Variants in CSMD1 observed in about 807,000 individuals in gnomAD.
CSMD1 encodes the protein CUB and sushi domain-containing protein 1.
CSMD1 carries 213 observed loss-of-function variants against 417.5 expected under a neutral mutation model. The observed-to-expected ratio is 0.51, with a 90% CI of 0.46 to 0.57. The LOEUF is 0.57. CSMD1 is among the 20% of genes least tolerant of loss of function. The pLI is 0.00. For missense variants in CSMD1, 6,923 were observed against 4,529.7 expected (o/e 1.53, Z -15.17); for synonymous variants, 2,862 against 1,736.8 (o/e 1.65, Z -16.11).
chr8:4,092,674 C>A (rs1245228608), intron 3 of CSMD1, among the ~76,000 whole-genome samples: 2 of 152,016 alleles, frequency 1.3e-5, no homozygotes, highest in South Asian at 2.1e-4. Flanking sequence ...TCAGTAGGTC[C>A]TTTTTCTTGA....
At chr8:4,407,325 T>C (rs1409247407) in intron 3 of CSMD1, among the ~76,000 whole-genome samples, 1 of 152,208 alleles carries the variant, frequency 6.6e-6, no homozygotes, top group Non-Finnish European at 1.5e-5. Context: ...AGGGATGAAA[T>C]GAAAACATAT....
intron 51 of CSMD1, among the ~76,000 whole-genome samples, chr8:3,023,059 T>C (rs17317488): frequency 0.055 from 8,433 of 152,302 alleles, 244 homozygotes; most frequent in Middle Eastern, 0.075. Context: ...CTGAGTGATG[T>C]CCAATGTCCA....
intron 7 of CSMD1, among the ~76,000 whole-genome samples, chr8:3,656,257 G>T (rs1030076503): frequency 6.6e-5 from 10 of 152,180 alleles, no homozygotes; most frequent in African/African-American, 2.4e-4. Context: ...GGAAGGAAAG[G>T]AGAAAGTCAA....
chr8:4,114,917 G>A (rs757211127), intron 3 of CSMD1, among the ~76,000 whole-genome samples: 2 of 152,134 alleles, frequency 1.3e-5, no homozygotes, highest in African/African-American at 2.4e-5. Flanking sequence ...TAGGAAAATA[G>A]TATGCTGAGA....
intron 1 of CSMD1, among the ~76,000 whole-genome samples, chr8:4,672,686 G>C (rs1165909471): frequency 1.3e-5 from 2 of 150,026 alleles, no homozygotes; most frequent in African/African-American, 2.4e-5. Flanking sequence ...AGGGGAGAAA[G>C]GAAGTAAGAC....
chr8:4,210,022 T>A (rs980555125), intron 3 of CSMD1, among the ~76,000 whole-genome samples: 1 of 152,128 alleles, frequency 6.6e-6, no homozygotes, highest in Admixed American at 6.5e-5. Context: ...TTTAGCTAGT[T>A]CTCTATTTGG....
intron 1 of CSMD1, among the ~76,000 whole-genome samples, chr8:4,987,157 C>T (rs914570619): frequency 7.9e-5 from 12 of 152,058 alleles, no homozygotes; most frequent in Non-Finnish European, 1.3e-4. Flanking sequence ...CTGGGATGGG[C>T]GTGGGTAGAA....
chr8:4,424,547 C>A (rs1038112680), intron 2 of CSMD1, among the ~76,000 whole-genome samples: 4 of 152,008 alleles, frequency 2.6e-5, no homozygotes, highest in Admixed American at 2.6e-4. Flanking sequence ...ATAATGACAA[C>A]ATCACATGCT....
intron 1 of CSMD1, among the ~76,000 whole-genome samples, chr8:4,964,720 A>G (rs568593170): frequency 6.6e-6 from 1 of 152,146 alleles, no homozygotes; most frequent in Admixed American, 6.6e-5. Flanking sequence ...TCACTAAGCC[A>G]AACTGAAAAA....
intron 1 of CSMD1, among the ~76,000 whole-genome samples, chr8:4,831,480 T>G (rs1800143962): frequency 6.6e-6 from 1 of 152,224 alleles, no homozygotes; most frequent in Non-Finnish European, 1.5e-5. Context: ...ACTATCATCT[T>G]AGAGTTTTGT....
At chr8:4,363,724 C>G (rs1332522481) in intron 3 of CSMD1, among the ~76,000 whole-genome samples, 1 of 152,148 alleles carries the variant, frequency 6.6e-6, no homozygotes, top group Non-Finnish European at 1.5e-5. Flanking sequence ...TCTAGTTCCA[C>G]CCATGTTGTT....
At chr8:4,818,866 G>T (rs562449532) in intron 1 of CSMD1, among the ~76,000 whole-genome samples, 3 of 152,160 alleles carry the variant, frequency 2.0e-5, no homozygotes, top group Admixed American at 1.3e-4. Flanking sequence ...GATAAGAAAA[G>T]TTAAACTGTT....
At chr8:4,803,580 G>A (rs1015724989) in intron 1 of CSMD1, among the ~76,000 whole-genome samples, 54 of 152,210 alleles carry the variant, frequency 3.5e-4, no homozygotes, top group African/African-American at 1.3e-3. Context: ...TCGAAAGCCA[G>A]GATTCTACTA....
chr8:3,489,614 C>G (rs534316048), intron 11 of CSMD1, among the ~76,000 whole-genome samples: 1 of 152,274 alleles, frequency 6.6e-6, no homozygotes, highest in African/African-American at 2.4e-5. Flanking sequence ...ATAAATATGA[C>G]CCAAGTTCCT....
intron 23 of CSMD1, among the ~76,000 whole-genome samples, chr8:3,312,611 G>C (rs1029909954): frequency 2.0e-5 from 3 of 152,138 alleles, no homozygotes; most frequent in South Asian, 2.1e-4. Context: ...TTTACAATGG[G>C]AAGTAGCATT....
chr8:2,973,717 G>A (rs992542016), intron 56 of CSMD1, among the ~76,000 whole-genome samples: 1 of 151,590 alleles, frequency 6.6e-6, no homozygotes, highest in African/African-American at 2.4e-5. Flanking sequence ...ATTGTGTCCA[G>A]AGTTGCTGGT....
chr8:3,339,779 G>A (rs1245064619), intron 23 of CSMD1, among the ~76,000 whole-genome samples: 1 of 152,116 alleles, frequency 6.6e-6, no homozygotes, highest in Non-Finnish European at 1.5e-5. Flanking sequence ...TGTGTAAGGT[G>A]CGAAGAAGTA....
chr8:4,498,997 A>G (rs986646989), intron 2 of CSMD1, among the ~76,000 whole-genome samples: 4 of 152,206 alleles, frequency 2.6e-5, no homozygotes, highest in Non-Finnish European at 5.9e-5. Flanking sequence ...AAAGTAATTG[A>G]AACATTTTCT....
Position 3,789,786 on chromosome 8 carries a change from A to T in CSMD1, c.819-35744T>A, listed in dbSNP as rs530057484. ...CACTCTGTCTCCGAGGCTGGAGTGCAGCGGTGCTATCTTGGCTCACTGCAA... is the reference window on the plus strand; with the variant it reads ...CACTCTGTCTCCGAGGCTGGAGTGCTGCGGTGCTATCTTGGCTCACTGCAA... On this transcript the variant is annotated intron_variant, in intron 5 of 69. Coordinates refer to ENST00000635120, the MANE Select transcript of CSMD1 (RefSeq NM_033225.6). Among the ~76,000 whole-genome samples, 20 of 140,672 alleles carry T rather than the reference A, an allele frequency of 1.4e-4. 1 individual carries two copies. The South Asian group carries it at 3.5e-3, about 25-fold the overall frequency. The allele number at this position is 140,672 out of a possible 152,430, so 92.3% of individuals were successfully genotyped here.
Sources: allele counts gnomAD v4.1 joint callset (sites outside exome capture counted in the v4.1 genomes callset), GRCh38; gene constraint gnomAD v4.1.1; transcripts MANE v1.5; gene names NCBI Gene and HGNC (gene_info 2026-07-23, HGNC 2026-07-21).